The following ABCC5 variants were observed in gnomAD, a reference collection of about 807,000 sequenced individuals.
ABCC5 encodes ATP binding cassette subfamily C member 5.
Under a neutral mutation model 160.9 loss-of-function variants are expected in ABCC5, and 61 were observed. That is an observed-to-expected ratio of 0.38 (90% confidence interval 0.31 to 0.47). ABCC5 has a LOEUF of 0.47. ABCC5 is among the 20% of genes least tolerant of loss of function. The pLI, the probability that ABCC5 is intolerant of heterozygous loss-of-function variation, is 0.99. For synonymous variants in ABCC5, 666 were observed against 700.6 expected, an observed-to-expected ratio of 0.95 and a Z score of 0.78; for missense variants, 1,308 against 1,813.3, an observed-to-expected ratio of 0.72 and a Z score of 5.06.
At position 183,949,881 on chromosome 3, in the gene ABCC5, C is replaced by A; in HGVS notation, c.3099G>T (p.Arg1033Ser). ...ILFSVLHIVS[R>S]VLIRELKRLD... ...GACGCTTCAGCTCCCGAATCAGGACCCTGGAGAGAGAATGAGCTCCGTGTC... is the reference window on the plus strand; with the variant it reads ...GACGCTTCAGCTCCCGAATCAGGACACTGGAGAGAGAATGAGCTCCGTGTC... The change falls in exon 22 of 30, where the codon AGG becomes AGT. Residue 1033 changes from arginine to serine, a missense_variant and splice_region_variant. By Grantham distance (110) the Arg-to-Ser change is moderately radical. Around this residue, in one of 3 missense-constraint regions of ABCC5, gnomAD observed 1,142 missense variants for 1,527.1 expected, o/e 0.75. Transcript: ENST00000334444. The surrounding 1 kb of genome is among the most constrained non-coding windows in gnomAD (Gnocchi z 4.2). The A allele has an allele frequency of 6.2e-7, 1 of 1,614,154 alleles. No homozygotes were observed. Among genetic ancestry groups the A allele is most frequent in the Non-Finnish European group, 8.5e-7 (1 of 1,180,024 alleles).
At chr3:183,965,125 C>T in intron 14 of ABCC5, 60 bp downstream of exon 14, 1 of 1,561,944 alleles carries the variant, frequency 6.4e-7, no homozygotes, top group Non-Finnish European at 8.8e-7. Flanking sequence ...CTCCCAGGAG[C>T]AGCTCTGGCC....
chr3:183,986,630 C>T (rs1385945974), intron 5 of ABCC5: 1 of 152,136 alleles, frequency 6.6e-6, no homozygotes, highest in Non-Finnish European at 1.5e-5. Context: ...CCCATGATCA[C>T]TTTATTCGCA....
chr3:184,005,473 T>C (rs1414204636), intron 2 of ABCC5, among the ~76,000 whole-genome samples: 1 of 152,198 alleles, frequency 6.6e-6, no homozygotes, highest in Non-Finnish European at 1.5e-5. Flanking sequence ...TTCTGCTCAT[T>C]AGTGGACTTC....
At chr3:183,961,325 A>C (rs1386763810) in intron 16 of ABCC5, among the ~76,000 whole-genome samples, 186 bp downstream of exon 16, 1 of 152,138 alleles carries the variant, frequency 6.6e-6, no homozygotes, top group African/African-American at 2.4e-5. Flanking sequence ...CCAGCCCCAC[A>C]ATCCTGCTCT....
chr3:183,979,342 C>CT (rs1718500376), intron 8 of ABCC5, among the ~76,000 whole-genome samples: 1 of 135,896 alleles, frequency 7.4e-6, no homozygotes, highest in Non-Finnish European at 1.6e-5. Context: ...CAGGCCTTAT[C>CT]TCAAAAAAAA....
intron 12 of ABCC5, among the ~76,000 whole-genome samples, chr3:183,966,153 T>C (rs1434128268): frequency 6.6e-6 from 1 of 152,206 alleles, no homozygotes; most frequent in Admixed American, 6.5e-5. Flanking sequence ...GACATTTGTC[T>C]TGGTTTAGGG....
In ABCC5 at chr3:183,950,082, G is replaced by A. The variant is rs111257210; in HGVS notation, c.2988C>T (p.Asn996=). Residue 996 remains asparagine, a synonymous_variant, in exon 21 of 30, where the codon AAC becomes AAT. Transcript: ENST00000334444. ...CCACACAGAAGAACACCAGGATAAC[G>A]TTCTGGATGAACATCTCGGCCTGGA... ...LPFQAEMFIQ[N]VILVFFCVGM... is the part of the protein sequence containing the mutation. The A allele has an allele frequency of 1.1e-4, 181 of 1,614,050 alleles. 1 individual carries two copies. Among genetic ancestry groups the A allele is most frequent in the African/African-American group, 6.9e-4 (52 of 74,986 alleles).
At chr3:183,934,616 G>T (rs904374253) in intron 26 of ABCC5, among the ~76,000 whole-genome samples, 3 of 152,164 alleles carry the variant, frequency 2.0e-5, no homozygotes, top group Admixed American at 2.0e-4. Context: ...TAAAGCTACA[G>T]GCGCACGATG....
intron 2 of ABCC5, among the ~76,000 whole-genome samples, chr3:184,004,789 A>C (rs189633060): frequency 6.6e-6 from 1 of 152,310 alleles, no homozygotes; most frequent in Non-Finnish European, 1.5e-5. Flanking sequence ...AAGTAAACAG[A>C]AGGTTGTCAA....
intron 11 of ABCC5, among the ~76,000 whole-genome samples, chr3:183,968,306 C>T (rs754853396): frequency 7.9e-5 from 12 of 151,958 alleles, no homozygotes; most frequent in Non-Finnish European, 1.8e-4. Flanking sequence ...GACAGGGTTT[C>T]GCCATGTTGG....
intron 17 of ABCC5, among the ~76,000 whole-genome samples, chr3:183,956,455 C>T (rs1177812146): frequency 6.7e-6 from 1 of 149,552 alleles, no homozygotes; most frequent in Non-Finnish European, 1.5e-5. Flanking sequence ...TAAATCACAT[C>T]GGTTACATGC....
At chr3:183,986,863 GA>G (rs1273349569) in intron 5 of ABCC5, 4 of 151,944 alleles carry the variant, frequency 2.6e-5, no homozygotes, top group Non-Finnish European at 4.4e-5. Context: ...TAATAATATA[GA>G]AACCCAATAC....
intron 11 of ABCC5, among the ~76,000 whole-genome samples, chr3:183,970,405 G>A (rs1717627995): frequency 6.7e-6 from 1 of 149,658 alleles, no homozygotes; most frequent in Non-Finnish European, 1.5e-5. Flanking sequence ...AACCACACCT[G>A]CTCCCTGCCC....
At position 183,982,695 on chromosome 3, in the gene ABCC5, G is replaced by A; in HGVS notation, c.826-71C>T. ...TCATTTGTCTCAGGAGGAAGATAAA[G>A]GATAAGGCAGGGCCCTAGAGGAATG... On this transcript the variant is annotated intron_variant, in intron 6 of 29. Transcript: ENST00000334444. The surrounding 1 kb of genome is among the most constrained non-coding windows in gnomAD (Gnocchi z 5.2). The A allele has an allele frequency of 2.5e-6, 4 of 1,607,654 alleles. No individual in the cohort carries two copies. The highest frequency in any genetic ancestry group is 3.4e-6 in the Non-Finnish European group (4 of 1,174,806).
At chr3:183,958,755 C>T (rs139947889) in intron 17 of ABCC5, among the ~76,000 whole-genome samples, 12 of 151,988 alleles carry the variant, frequency 7.9e-5, no homozygotes, top group East Asian at 5.8e-4. Context: ...TGTGCCACCA[C>T]GTTTGGCTAA....
intron 2 of ABCC5, among the ~76,000 whole-genome samples, chr3:184,013,307 G>A (rs1333449266): frequency 1.3e-5 from 2 of 152,146 alleles, no homozygotes; most frequent in East Asian, 3.8e-4. Context: ...CCAGGCTGGA[G>A]TGCAGTGGCG....
In ABCC5 at chr3:183,998,887, C is replaced by G. The variant is rs541035226; in HGVS notation, c.130-9504G>C. Among the ~76,000 whole-genome samples the G allele has an allele frequency of 2.6e-5, 4 of 152,018 alleles. No homozygotes were observed. The South Asian group carries it at 8.3e-4, about 32-fold the overall frequency. On this transcript the variant is annotated intron_variant, in intron 2 of 29. Transcript: ENST00000334444. ...GGTGGATCACCTGAGGTCAAGAGTT[C>G]GAGACCAGCCTGGCCAATATGGTGC...
Position 184,003,109 on chromosome 3 carries a change from T to C in ABCC5, c.129+11155A>G, listed in dbSNP as rs1460363047. 2.6e-5 allele frequency among the ~76,000 whole-genome samples: 4 copies of C among 152,254 alleles called. No individual in the cohort carries two copies. In the East Asian group the frequency reaches 7.7e-4, roughly 29 times the overall value. ...GCCAAGAAAACCATTTCTACAGATG[T>C]CCCAGGCCCACGCAGCCTTTATGAC... is the stretch of plus-strand genomic sequence containing the variant. On this transcript the variant is annotated intron_variant, in intron 2 of 29. Transcript: ENST00000334444.
intron 10 of ABCC5, among the ~76,000 whole-genome samples, chr3:183,973,049 CTTT>C (rs11289102): frequency 1.8e-5 from 2 of 108,400 alleles, no homozygotes. Context: ...TTTGAATCCA[CTTT>C]TTTTTTTTTT....
Sources: gnomAD v4.1 joint callset for allele counts (sites outside exome capture counted in the v4.1 genomes callset) on GRCh38, gnomAD v4.1.1 for gene constraint, gnomAD v4.1.1 regional missense constraint, Gnocchi (gnomAD v3.1) non-coding constraint, MANE v1.5 for transcripts, NCBI Gene and HGNC (gene_info 2026-07-23, HGNC 2026-07-21) for gene names.